The following PSTPIP2 variants were observed in gnomAD, a reference collection of about 807,000 sequenced individuals.
PSTPIP2 encodes the protein proline-serine-threonine phosphatase interacting protein 2.
PSTPIP2 carries 33 observed loss-of-function variants against 63.3 expected under a neutral mutation model. The ratio of observed to expected loss-of-function variants is 0.52; its 90% confidence interval spans 0.40 to 0.70. The LOEUF (loss-of-function observed/expected upper bound fraction) is 0.70. Among genes scored for constraint, PSTPIP2 ranks in the 30% least tolerant of loss-of-function variants. The probability of loss-of-function intolerance (pLI) is 0.00; values close to 1 mark genes in which losing one functional copy is unlikely to be tolerated. For missense variants in PSTPIP2, 312 were observed against 400.7 expected, an observed-to-expected ratio of 0.78 and a Z score of 1.89; for synonymous variants, 125 against 132.7, an observed-to-expected ratio of 0.94 and a Z score of 0.40.
rs34169328 is a variant in PSTPIP2, at chr18:46,064,457, A to ATTT, written c.33+7696_33+7698dup. Among the ~76,000 whole-genome samples the ATTT allele has an allele frequency of 7.3e-3, 772 of 105,992 alleles. 16 individuals are homozygous for ATTT. Among genetic ancestry groups the ATTT allele is most frequent in the Admixed American group, 0.031 (287 of 9,156 alleles). The allele number at this position is 105,992 out of a possible 152,430, so 69.5% of individuals were successfully genotyped here. ...AGGCACCCACCACAACACCTGGCTA[A>ATTT]TTTTTTTTTTTTTTTTTTTTTAAGT... On this transcript the variant is annotated intron_variant, in intron 1 of 14. Transcript: ENST00000409746.
intron 12 of PSTPIP2, 142 bp from the exon 13 acceptor site, chr18:45,990,898 G>T: frequency 1.6e-6 from 1 of 617,632 alleles, no homozygotes; most frequent in Non-Finnish European, 2.7e-6. Context: ...TAAAGCAAAT[G>T]ATCTGTAGCA....
intron 1 of PSTPIP2, among the ~76,000 whole-genome samples, chr18:46,049,723 T>C (rs1239436183): frequency 6.6e-6 from 1 of 151,968 alleles, no homozygotes; most frequent in East Asian, 1.9e-4. Flanking sequence ...CTGCTAAAAA[T>C]ACAAAAATTA....
At chr18:46,005,640 T>C in intron 5 of PSTPIP2, 109 bp from the exon 6 acceptor site, 1 of 798,352 alleles carries the variant, frequency 1.3e-6, no homozygotes, top group South Asian at 2.0e-5. Context: ...TCAAAATGAT[T>C]ACCCACATTT....
intron 3 of PSTPIP2, among the ~76,000 whole-genome samples, chr18:46,022,843 C>A (rs937205580): frequency 1.3e-5 from 2 of 151,840 alleles, no homozygotes; most frequent in East Asian, 1.9e-4. Context: ...TGAAATGATG[C>A]AAGGAAGACA....
chr18:46,023,021 A>T (rs1389730635), intron 3 of PSTPIP2, among the ~76,000 whole-genome samples: 1 of 152,078 alleles, frequency 6.6e-6, no homozygotes, highest in Non-Finnish European at 1.5e-5. Flanking sequence ...AGAACAGAAA[A>T]CCAAATACTA....
intron 7 of PSTPIP2, 85 bp from the exon 8 acceptor site, chr18:45,998,924 C>A: frequency 6.8e-7 from 1 of 1,474,284 alleles, no homozygotes; most frequent in South Asian, 1.1e-5. Flanking sequence ...GATTGAAAAG[C>A]AGTAACTATG....
chr18:46,003,431 T>C (rs1051872463), intron 6 of PSTPIP2, among the ~76,000 whole-genome samples: 5 of 152,168 alleles, frequency 3.3e-5, no homozygotes, highest in South Asian at 2.1e-4. Context: ...TGGCCTTTGC[T>C]GATGTGTGGA....
At position 46,007,274 on chromosome 18, in the gene PSTPIP2, G is replaced by A. The variant is rs144617312; in HGVS notation, c.355-1743C>T. Among the ~76,000 whole-genome samples the A allele has an allele frequency of 2.6e-5, 4 of 152,350 alleles. No homozygotes were observed. In the East Asian group the frequency reaches 7.7e-4, roughly 29 times the overall value. On this transcript the variant is annotated intron_variant, in intron 5 of 14. Coordinates refer to ENST00000409746, the MANE Select transcript of PSTPIP2 (RefSeq NM_024430.4). ...TCACTTCAAATATGAGCTTTGTGGA[G>A]TACATGAAATTCCCTTGGAGGAGCT...
intron 1 of PSTPIP2, among the ~76,000 whole-genome samples, chr18:46,065,817 G>A (rs1909169873): frequency 6.6e-6 from 1 of 151,796 alleles, no homozygotes; most frequent in Non-Finnish European, 1.5e-5. Flanking sequence ...GGCCAGGCTG[G>A]TCTCAAACTC....
At chr18:46,044,861 T>C (rs1333857072) in intron 1 of PSTPIP2, among the ~76,000 whole-genome samples, 10 of 152,280 alleles carry the variant, frequency 6.6e-5, no homozygotes, top group Admixed American at 2.0e-4. Context: ...CATGAACAGA[T>C]ACTTCTCAAA....
At chr18:45,997,350 G>A (rs548237601) in intron 9 of PSTPIP2, among the ~76,000 whole-genome samples, 10 of 151,954 alleles carry the variant, frequency 6.6e-5, no homozygotes, top group African/African-American at 1.7e-4. Flanking sequence ...CACCACACCC[G>A]GCTAATTTTT....
At chr18:46,027,345 A>AAAT (rs1907615882) in intron 2 of PSTPIP2, among the ~76,000 whole-genome samples, 3 of 147,826 alleles carry the variant, frequency 2.0e-5, no homozygotes, top group African/African-American at 7.5e-5. Context: ...AATAAATAAA[A>AAAT]ATATTAAAAA....
intron 14 of PSTPIP2, 50 bp from the exon 15 acceptor site, chr18:45,985,500 A>G: frequency 6.3e-7 from 1 of 1,584,030 alleles, no homozygotes; most frequent in Non-Finnish European, 8.7e-7. Flanking sequence ...GTGCTTGTCA[A>G]TACTCTCTCC....
At chr18:46,028,991 G>C in intron 2 of PSTPIP2, 2 of 909,578 alleles carry the variant, frequency 2.2e-6, no homozygotes, top group Non-Finnish European at 3.7e-6. Flanking sequence ...TTCCGTCCTT[G>C]TGCACAGATT....
intron 1 of PSTPIP2, chr18:46,040,928 G>A (rs926335273): frequency 6.7e-5 from 30 of 444,958 alleles, no homozygotes; most frequent in Non-Finnish European, 1.4e-4. Flanking sequence ...GCCCACTCCA[G>A]CCTTCTGTCA....
intron 3 of PSTPIP2, among the ~76,000 whole-genome samples, chr18:46,021,177 T>G (rs1339148989): frequency 6.6e-6 from 1 of 152,134 alleles, no homozygotes; most frequent in Non-Finnish European, 1.5e-5. Flanking sequence ...GTTTTACATA[T>G]TCAAAAAATA....
At chr18:46,024,429 C>A (rs544477287) in intron 3 of PSTPIP2, among the ~76,000 whole-genome samples, 180 bp downstream of exon 3, 43 of 152,206 alleles carry the variant, frequency 2.8e-4, no homozygotes, top group Non-Finnish European at 5.9e-4. Flanking sequence ...TGAGCCACTG[C>A]GCCTGACTGA....
At chr18:46,000,608 T>A (rs1026758448) in intron 6 of PSTPIP2, among the ~76,000 whole-genome samples, 3 of 152,190 alleles carry the variant, frequency 2.0e-5, no homozygotes, top group Admixed American at 1.3e-4. Flanking sequence ...CCTCAGGTGA[T>A]CCACCCGCCT....
Position 46,011,172 on chromosome 18 carries a change from A to G in PSTPIP2, c.354+9T>C, listed in dbSNP as rs752565862. On this transcript the variant is annotated intron_variant, in intron 5 of 14. Coordinates refer to ENST00000409746, the MANE Select transcript of PSTPIP2 (RefSeq NM_024430.4). ...AAAGGAAACACCTTAACACGTATGC[A>G]AATCCAACCTTTTTTCGTTGTAGTT... The G allele has an allele frequency of 6.2e-7, 1 of 1,608,660 alleles. No homozygotes were observed.
Sources: gnomAD v4.1 joint callset for allele counts (sites outside exome capture counted in the v4.1 genomes callset) on GRCh38, gnomAD v4.1.1 for gene constraint, MANE v1.5 for transcripts, NCBI Gene and HGNC (gene_info 2026-07-23, HGNC 2026-07-21) for gene names.